The following SRBD1 variants were observed in gnomAD, a reference collection of about 807,000 sequenced individuals.
SRBD1 encodes S1 RNA binding domain 1, also known as S1 RNA-binding domain-containing protein 1.
Under a neutral mutation model 115.3 loss-of-function variants are expected in SRBD1, and 88 were observed. That is an observed-to-expected ratio of 0.76 (90% CI 0.64 to 0.91). SRBD1 has a LOEUF of 0.91. Ranked by LOEUF, SRBD1 falls within the 40% of genes least tolerant of loss-of-function variation. The pLI is 0.00. For missense variants in SRBD1, 1,385 were observed against 1,177.4 expected (o/e 1.18, Z -2.58); for synonymous variants, 509 against 407.7 (o/e 1.25, Z -2.99).
chr2:45,426,001 C>G (rs1315504456), intron 16 of SRBD1, among the ~76,000 whole-genome samples: 1 of 151,886 alleles, frequency 6.6e-6, no homozygotes, highest in Non-Finnish European at 1.5e-5. Context: ...TGAGACAGAA[C>G]CATTCACTCT....
intron 16 of SRBD1, among the ~76,000 whole-genome samples, chr2:45,424,286 C>G (rs548136875): frequency 2.6e-5 from 4 of 152,124 alleles, no homozygotes; most frequent in Non-Finnish European, 5.9e-5. Flanking sequence ...GGTATTGATA[C>G]ACTTGTGTAA....
intron 9 of SRBD1, among the ~76,000 whole-genome samples, chr2:45,568,477 CT>C (rs1558484101): frequency 1.3e-5 from 2 of 152,176 alleles, no homozygotes; most frequent in Non-Finnish European, 2.9e-5. Flanking sequence ...CATATCATCA[CT>C]CCGGCCTGTA....
intron 1 of SRBD1, among the ~76,000 whole-genome samples, chr2:45,607,174 T>C (rs1417756289): frequency 2.6e-5 from 4 of 152,190 alleles, no homozygotes; most frequent in African/African-American, 7.2e-5. Flanking sequence ...TTTTTAGACA[T>C]TGATCATGAA....
At position 45,581,747 on chromosome 2, in the gene SRBD1, C is replaced by G. The variant is rs779878590; in HGVS notation, c.879G>C (p.Glu293Asp). Reference protein sequence around the residue: ...QKIKKEGKMSECLLKAMLNCK... With the variant: ...QKIKKEGKMSDCLLKAMLNCK... ...AATTCAGCATGGCTTTTAACAAGCA[C>G]TCAGACATCTTCCCTTCCTTCTTAA... The change falls in exon 6 of 21, where the codon GAG (glutamate) becomes GAC (aspartate). Residue 293 changes from glutamate to aspartate, a missense_variant. Physicochemically the swap from Glu to Asp is conservative, Grantham distance 45 (BLOSUM62 2). Transcript: ENST00000263736. 1.2e-6 allele frequency: 2 copies of G among 1,613,470 alleles called. No individual in the cohort carries two copies. The highest frequency in any genetic ancestry group is 1.7e-6 in the Non-Finnish European group (2 of 1,179,796).
chr2:45,414,526 ATAGT>A (rs968389410), intron 18 of SRBD1, among the ~76,000 whole-genome samples: 4 of 146,938 alleles, frequency 2.7e-5, no homozygotes, highest in East Asian at 2.0e-4. Flanking sequence ...TAGTGTGTAT[ATAGT>A]GTGTGTACAC....
At chr2:45,409,534 T>C (rs1227698131) in intron 19 of SRBD1, among the ~76,000 whole-genome samples, 1 of 127,452 alleles carries the variant, frequency 7.8e-6, no homozygotes, top group Admixed American at 7.8e-5. Flanking sequence ...AAAAAAAGAA[T>C]AAAGAAAAGA....
At chr2:45,602,177 T>G in intron 2 of SRBD1, 94 bp from the exon 3 acceptor site, 2 of 1,392,076 alleles carry the variant, frequency 1.4e-6, no homozygotes, top group East Asian at 2.3e-5. Flanking sequence ...AATGATAAAG[T>G]AGGAGGTGTT....
chr2:45,431,272 C>A (rs1187856714), intron 16 of SRBD1, among the ~76,000 whole-genome samples: 1 of 152,130 alleles, frequency 6.6e-6, no homozygotes, highest in Non-Finnish European at 1.5e-5. Context: ...ACCAGAAACA[C>A]CATTTGACCC....
In SRBD1 at chr2:45,389,104, A is replaced by T; in HGVS notation, c.*206T>A. 1.6e-6 allele frequency: 1 copy of T among 614,890 alleles called. No homozygotes were observed. The highest frequency in any genetic ancestry group is 2.7e-6 in the Non-Finnish European group (1 of 364,686). The allele number at this position is 614,890 out of a possible 1,614,324, so 38.1% of individuals were successfully genotyped here. On this transcript the variant is annotated 3_prime_UTR_variant, in exon 21 of 21. Coordinates refer to ENST00000263736, the MANE Select transcript of SRBD1 (RefSeq NM_018079.5). ...ATAAAGCCATATAAGAATGTGTATT[A>T]GTTGTTTCCTTTAAGGGAAAAGGAA...
chr2:45,522,760 C>A (rs191186063), intron 14 of SRBD1, among the ~76,000 whole-genome samples: 95 of 152,224 alleles, frequency 6.2e-4, no homozygotes, highest in Non-Finnish European at 6.9e-4. Flanking sequence ...TATATTTTCT[C>A]TTTCTTACAA....
intron 16 of SRBD1, among the ~76,000 whole-genome samples, chr2:45,449,182 C>A (rs1179140135): frequency 6.6e-6 from 1 of 152,074 alleles, no homozygotes; most frequent in Non-Finnish European, 1.5e-5. Context: ...CATGTTTATG[C>A]ATAACAATTT....
chr2:45,420,785 C>T (rs1264783753), intron 16 of SRBD1, among the ~76,000 whole-genome samples: 3 of 152,220 alleles, frequency 2.0e-5, no homozygotes, highest in Non-Finnish European at 4.4e-5. Context: ...TCTGTTGTCT[C>T]TGGGACTTTC....
At chr2:45,535,878 C>T (rs764210433) in intron 14 of SRBD1, among the ~76,000 whole-genome samples, 21 of 151,888 alleles carry the variant, frequency 1.4e-4, no homozygotes, top group Non-Finnish European at 2.5e-4. Context: ...TTATGCTATA[C>T]ATGGGGGGAA....
intron 19 of SRBD1, among the ~76,000 whole-genome samples, chr2:45,404,375 G>C (rs1572598626): frequency 6.6e-6 from 1 of 152,250 alleles, no homozygotes. Flanking sequence ...CATGGGACCA[G>C]ATGAGATCAC....
chr2:45,551,389 A>G (rs1672295169), intron 11 of SRBD1, 107 bp from the exon 12 acceptor site: 1 of 1,108,900 alleles, frequency 9.0e-7, no homozygotes, highest in Admixed American at 3.2e-5. Context: ...ATAATTTATT[A>G]TAACAATATA....
chr2:45,573,696 A>G (rs1342768426), intron 8 of SRBD1, among the ~76,000 whole-genome samples: 1 of 152,244 alleles, frequency 6.6e-6, no homozygotes, highest in Admixed American at 6.5e-5. Context: ...GTCACAGTCA[A>G]TTAAAAACTT....
rs116741848 is a variant in SRBD1, at chr2:45,406,565, C to T, written c.2513+6549G>A. On this transcript the variant is annotated intron_variant, in intron 19 of 20. Transcript: ENST00000263736. ...CCCTGCTCTGGCTCTAGGATGAACA[C>T]GCTACTCCTGCTCTGTACCATACTC... 5.4e-3 allele frequency among the ~76,000 whole-genome samples: 815 copies of T among 152,216 alleles called. 3 individuals are homozygous for T. The highest frequency in any genetic ancestry group is 0.012 in the African/African-American group (484 of 41,550).
chr2:45,429,505 A>T lies in SRBD1; in HGVS notation c.2050-9611T>A, dbSNP rs553806282. ...CTGATTCAACATACACAAATTACTA[A>T]ACGTAATCCATCACATAAACAGAAC... On this transcript the variant is annotated intron_variant, in intron 16 of 20. Coordinates refer to ENST00000263736, the MANE Select transcript of SRBD1 (RefSeq NM_018079.5). 3.3e-5 allele frequency among the ~76,000 whole-genome samples: 5 copies of T among 152,286 alleles called. No homozygotes were observed. The East Asian group carries it at 7.7e-4, about 23-fold the overall frequency.
intron 14 of SRBD1, among the ~76,000 whole-genome samples, chr2:45,540,355 A>T (rs1284737597): frequency 2.6e-5 from 4 of 152,012 alleles, no homozygotes; most frequent in Non-Finnish European, 4.4e-5. Context: ...AAAAAAAAAA[A>T]AAATTAAATG....
Sources: gnomAD v4.1 joint callset for allele counts (sites outside exome capture counted in the v4.1 genomes callset) on GRCh38, gnomAD v4.1.1 for gene constraint, MANE v1.5 for transcripts, NCBI Gene and HGNC (gene_info 2026-07-23, HGNC 2026-07-21) for gene names.